KCTD3: variants seen among roughly 807,000 people sequenced by gnomAD.
KCTD3 encodes the protein BTB/POZ domain-containing protein KCTD3.
KCTD3 carries 41 observed loss-of-function variants against 85.8 expected under a neutral mutation model. That is an observed-to-expected ratio of 0.48 (90% CI 0.37 to 0.62). The LOEUF (loss-of-function observed/expected upper bound fraction) is 0.62, where lower values mean the gene tolerates loss of function less well. Among genes scored for constraint, KCTD3 ranks in the 20% least tolerant of loss-of-function variants. The pLI is 0.00. For synonymous variants in KCTD3, 338 were observed against 345.4 expected (o/e 0.98, Z 0.24); for missense variants, 724 against 989.9 (o/e 0.73, Z 3.60).
At chr1:215,595,941 G>A (rs975746667) in intron 10 of KCTD3, among the ~76,000 whole-genome samples, 1 of 152,166 alleles carries the variant, frequency 6.6e-6, no homozygotes, top group African/African-American at 2.4e-5. Flanking sequence ...GACATAATCA[G>A]ATCCATGTTT....
intron 15 of KCTD3, among the ~76,000 whole-genome samples, chr1:215,613,438 A>C (rs1490879550): frequency 1.3e-5 from 2 of 152,158 alleles, no homozygotes; most frequent in Non-Finnish European, 2.9e-5. Context: ...ATTTTCTCCT[A>C]TCCTGTAGGT....
In KCTD3 at chr1:215,602,213, G is replaced by C; in HGVS notation, c.1138+12G>C. The C allele has an allele frequency of 7.9e-7, 1 of 1,268,480 alleles. No individual in the cohort carries two copies. Among genetic ancestry groups the C allele is most frequent in the Non-Finnish European group, 1.1e-6 (1 of 881,848 alleles). The allele number at this position is 1,268,480 out of a possible 1,614,324, so 78.6% of individuals were successfully genotyped here. On this transcript the variant is annotated intron_variant, in intron 12 of 17. Transcript: ENST00000259154. ...CACACCCAAAACAAGTTAGTACATG[G>C]CCAATTATATACATTCTTGACTTTT...
chr1:215,597,572 A>C (rs1164374701), intron 10 of KCTD3, among the ~76,000 whole-genome samples: 2 of 152,178 alleles, frequency 1.3e-5, no homozygotes, highest in African/African-American at 2.4e-5. Flanking sequence ...GAAATAAGAG[A>C]TCTTCAGCCA....
Position 215,608,108 on chromosome 1 carries a change from A to T in KCTD3, c.1401A>T (p.Ser467=). ...STQPGSTPLA[S]FKILSLEETE... is the part of the protein sequence containing the mutation. Reference sequence around the variant, plus strand: ...AGCCAGGTTCTACTCCTTTAGCGTCATTCAAGATACTATCCCTGGAGGAGA... The same window carrying T: ...AGCCAGGTTCTACTCCTTTAGCGTCTTTCAAGATACTATCCCTGGAGGAGA... Residue 467 remains serine, a synonymous_variant, in exon 14 of 18, where the codon TCA becomes TCT. Transcript: ENST00000259154. 1 of 1,612,250 alleles carries T rather than the reference A, an allele frequency of 6.2e-7. No homozygotes were observed. Among genetic ancestry groups the T allele is most frequent in the Non-Finnish European group, 8.5e-7 (1 of 1,178,714 alleles).
chr1:215,569,532 T>A (rs888003421), intron 1 of KCTD3, among the ~76,000 whole-genome samples: 22 of 152,166 alleles, frequency 1.4e-4, no homozygotes, highest in African/African-American at 5.3e-4. Context: ...GAACTCTTAT[T>A]AGAGACTGCA....
At position 215,574,077 on chromosome 1, in the gene KCTD3, C is replaced by A; in HGVS notation, c.142C>A (p.Leu48Met). The change falls in exon 3 of 18, where the codon CTG becomes ATG. Residue 48 changes from leucine to methionine, a missense_variant. Coordinates refer to ENST00000259154, the MANE Select transcript of KCTD3 (RefSeq NM_016121.5). ...TAGATTATTAATGACTTCCAGTTTG[C>A]TGAGTGGGAGAATTTCAACACTTCG... ...WIPDSFFSSL[L>M]SGRISTLRDE... The A allele has an allele frequency of 6.3e-7, 1 of 1,585,690 alleles. No individual in the cohort carries two copies. The highest frequency in any genetic ancestry group is 8.6e-7 in the Non-Finnish European group (1 of 1,160,124).
chr1:215,586,790 C>T (rs1660026128), intron 9 of KCTD3, 105 bp downstream of exon 9: 2 of 841,946 alleles, frequency 2.4e-6, no homozygotes, highest in Non-Finnish European at 3.7e-6. Context: ...TGTCAGTTAG[C>T]TAGAGCTGTC....
rs776458283 is a variant in KCTD3 at position 215,580,046 on chromosome 1, AAATT to A, written c.626+52_626+55del. 4.6e-5 allele frequency: 54 copies of A among 1,172,556 alleles called. No homozygotes were observed. In the Admixed American group the frequency reaches 1.0e-3, roughly 23 times the overall value. 72.6% of individuals were successfully genotyped at this position (1,172,556 alleles called of 1,614,324 possible). ...TTTGCTTTTACAGGTGGCAGTTTGA[AAATT>A]AATTGTGATTTTATATTTTTAGATT... On this transcript the variant is annotated intron_variant, in intron 8 of 17. Coordinates refer to ENST00000259154, the MANE Select transcript of KCTD3 (RefSeq NM_016121.5).
At position 215,620,285 on chromosome 1, in the gene KCTD3, T is replaced by C. The variant is rs1361008408; in HGVS notation, c.2115T>C (p.Asn705=). ...AEVKGATGEC[N]ISERKSPGVE... The stretch of plus-strand genomic sequence containing the variant: ...TGAAAGGGGCAACAGGGGAATGTAA[T>C]ATATCTGAGAGAAAGTCTCCTGGAG... Residue 705 remains asparagine (N), a synonymous_variant, in exon 18 of 18, where the codon AAT becomes AAC. Transcript: ENST00000259154. The C allele has an allele frequency of 1.5e-5, 25 of 1,613,920 alleles. No individual in the cohort carries two copies. Among genetic ancestry groups the C allele is most frequent in the Non-Finnish European group, 2.0e-5 (24 of 1,179,824 alleles).
intron 1 of KCTD3, among the ~76,000 whole-genome samples, chr1:215,572,975 T>A (rs540566709): frequency 6.6e-6 from 1 of 152,304 alleles, no homozygotes; most frequent in Admixed American, 6.5e-5. Flanking sequence ...AGTACTATAT[T>A]GCTTTGTTTG....
intron 14 of KCTD3, among the ~76,000 whole-genome samples, chr1:215,610,211 A>G (rs1016723294): frequency 7.2e-5 from 11 of 151,862 alleles, no homozygotes; most frequent in African/African-American, 2.7e-4. Flanking sequence ...GGGGTAATAG[A>G]TATTGGAGGT....
chr1:215,601,137 G>A (rs866461615), intron 10 of KCTD3, among the ~76,000 whole-genome samples: 4 of 143,194 alleles, frequency 2.8e-5, no homozygotes, highest in Non-Finnish European at 5.9e-5. Flanking sequence ...GGGTTTCACC[G>A]TGTTAGCTAG....
At chr1:215,598,686 T>C (rs1305626677) in intron 10 of KCTD3, among the ~76,000 whole-genome samples, 1 of 139,038 alleles carries the variant, frequency 7.2e-6, no homozygotes, top group Non-Finnish European at 1.5e-5. Flanking sequence ...TACTGAAAAT[T>C]AAAAGGTCAT....
rs1659635873 is a variant in KCTD3 at position 215,577,571 on chromosome 1, T to C, written c.258-99T>C. ...GAGGAAAATAATTTTTAAAGCCTTATGACTATATACATGAAGAACCTAGAA... is the reference window on the plus strand; with the variant it reads ...GAGGAAAATAATTTTTAAAGCCTTACGACTATATACATGAAGAACCTAGAA... On this transcript the variant is annotated intron_variant, in intron 4 of 17. Coordinates refer to ENST00000259154, the MANE Select transcript of KCTD3 (RefSeq NM_016121.5). 8.0e-6 allele frequency: 6 copies of C among 749,282 alleles called. No homozygotes were observed. The South Asian group carries it at 9.1e-5, about 11-fold the overall frequency. The allele number at this position is 749,282 out of a possible 1,614,324, so 46.4% of individuals were successfully genotyped here. A position where few individuals can be genotyped will look rare whatever the true frequency, so the allele number is the denominator to read the frequency against.
chr1:215,578,925 T>G, intron 6 of KCTD3, 75 bp from the exon 7 acceptor site: 2 of 1,013,748 alleles, frequency 2.0e-6, no homozygotes, highest in East Asian at 2.9e-5. Flanking sequence ...TTTTTGTTTC[T>G]TTGTCACAAT....
At position 215,620,872 on chromosome 1, in the gene KCTD3, G is replaced by A. The variant is rs1655660811; in HGVS notation, c.*254G>A. ...GCAGGAGTCCATTTTAACACTTACC[G>A]ACTTTTTTTGGTTTGGAAACATATT... On this transcript the variant is annotated 3_prime_UTR_variant, in exon 18 of 18. Transcript: ENST00000259154. 6 of 432,060 alleles carry A rather than the reference G, an allele frequency of 1.4e-5. No homozygotes were observed. In the Admixed American group the frequency reaches 1.6e-4, roughly 12 times the overall value. The allele number at this position is 432,060 out of a possible 1,614,324, so 26.8% of individuals were successfully genotyped here.
rs2102597251 is a variant in KCTD3 at position 215,607,922 on chromosome 1, T to C, written c.1310-95T>C. The C allele has an allele frequency of 4.7e-6, 4 of 846,146 alleles. No individual in the cohort carries two copies. In the South Asian group the frequency reaches 8.9e-5, roughly 19 times the overall value. 52.4% of individuals were successfully genotyped at this position (846,146 alleles called of 1,614,324 possible). ...AGATAAATATGTCATTTGCCACTTA[T>C]ACTCTGATCTGTGTAATATAGATGA... On this transcript the variant is annotated intron_variant, in intron 13 of 17. Coordinates refer to ENST00000259154, the MANE Select transcript of KCTD3 (RefSeq NM_016121.5).
Position 215,608,158 on chromosome 1 carries a change from C to T in KCTD3, c.1451C>T (p.Ser484Phe). 6.2e-7 allele frequency: 1 copy of T among 1,610,160 alleles called. No homozygotes were observed. Among genetic ancestry groups the T allele is most frequent in the Non-Finnish European group, 8.5e-7 (1 of 1,178,082 alleles). Reference protein sequence around the residue: ...EETESHGSYSSGNDIGPFGER... With the variant: ...EETESHGSYSFGNDIGPFGER... ...ACAGAAAGTCATGGTAGCTATTCCT[C>T]TGGAAATGACATAGGTGGGTTAGGT... is the stretch of plus-strand genomic sequence containing the variant. The change falls in exon 14 of 18, where the codon TCT becomes TTT. Residue 484 changes from serine to phenylalanine, a missense_variant. Ser to Phe is a radical substitution (Grantham distance 155, BLOSUM62 -2). This residue lies in a region of KCTD3 where 136 missense variants were observed against 197.6 expected (regional missense o/e 0.69). Coordinates refer to ENST00000259154, the MANE Select transcript of KCTD3 (RefSeq NM_016121.5).
intron 15 of KCTD3, among the ~76,000 whole-genome samples, chr1:215,613,522 T>A (rs1655309608): frequency 1.3e-5 from 2 of 152,238 alleles, no homozygotes; most frequent in South Asian, 4.1e-4. Context: ...CACTTGTCAA[T>A]TTTTGTTTTT....
Sources: gnomAD v4.1 joint callset for allele counts (sites outside exome capture counted in the v4.1 genomes callset) on GRCh38, gnomAD v4.1.1 for gene constraint, gnomAD v4.1.1 regional missense constraint, MANE v1.5 for transcripts, NCBI Gene and HGNC (gene_info 2026-07-23, HGNC 2026-07-21) for gene names.